The following GTF2A1L variants were observed in gnomAD, a reference collection of about 807,000 sequenced individuals.
GTF2A1L encodes TFIIA-alpha and beta-like factor.
In GTF2A1L, 48 loss-of-function variants were observed where a neutral mutation model predicts 49.7. The observed-to-expected ratio is 0.97, with a 90% CI of 0.77 to 1.23. GTF2A1L has a LOEUF of 1.23. GTF2A1L is among the 50% of genes most tolerant of loss of function. The probability of loss-of-function intolerance (pLI) is 0.00; values close to 1 mark genes in which losing one functional copy is unlikely to be tolerated. For synonymous variants in GTF2A1L, 246 were observed against 193.5 expected (o/e 1.27, Z -2.25); for missense variants, 736 against 564.8 (o/e 1.30, Z -3.07).
intron 8 of GTF2A1L, among the ~76,000 whole-genome samples, chr2:48,673,466 G>A (rs1679284815): frequency 6.6e-6 from 1 of 150,556 alleles, no homozygotes; most frequent in South Asian, 2.1e-4. Flanking sequence ...GGGTTCAAAG[G>A]ATCTTCCTGC....
chr2:48,631,258 C>CT (rs971894941), intron 3 of GTF2A1L, among the ~76,000 whole-genome samples: 1 of 151,926 alleles, frequency 6.6e-6, no homozygotes, highest in African/African-American at 2.4e-5. Flanking sequence ...TGGTCTGGGG[C>CT]TTTTTTTGGG....
At chr2:48,617,958 G>A (rs1675755450) in intron 1 of GTF2A1L, 63 bp downstream of exon 1, 1 of 1,492,814 alleles carries the variant, frequency 6.7e-7, no homozygotes, top group Middle Eastern at 1.7e-4. Context: ...CACGGCAGCC[G>A]AACCCTGCAC....
At chr2:48,619,145 A>C (rs1355343813) in intron 1 of GTF2A1L, among the ~76,000 whole-genome samples, 2 of 152,186 alleles carry the variant, frequency 1.3e-5, no homozygotes, top group African/African-American at 4.8e-5. Flanking sequence ...CTGGGTCTTT[A>C]GAAGGATTAA....
rs772508036 is a variant in GTF2A1L at position 48,646,825 on chromosome 2, C to G, written c.761C>G (p.Ser254Cys). Residue 254 changes from serine to cysteine, a missense_variant, in exon 6 of 9, where the codon TCT becomes TGT. Ser to Cys is a moderately radical substitution (Grantham distance 112, BLOSUM62 -1). Coordinates refer to ENST00000403751, the MANE Select transcript of GTF2A1L (RefSeq NM_006872.5). ...GGTGTTGTATTTTCTCCACAGGTCTCTCAAACAAATTCTAATGTGGAGTCA... is the reference window on the plus strand; with the variant it reads ...GGTGTTGTATTTTCTCCACAGGTCTGTCAAACAAATTCTAATGTGGAGTCA... ...LPGVVFSPQV[S>C]QTNSNVESVL... is the part of the protein sequence containing the mutation. 1.2e-6 allele frequency: 2 copies of G among 1,614,174 alleles called. No individual in the cohort carries two copies. The highest frequency in any genetic ancestry group is 1.7e-5 in the Admixed American group (1 of 60,024).
rs1677557552 is a variant in GTF2A1L at position 48,647,017 on chromosome 2, C to G, written c.953C>G (p.Pro318Arg). Reference sequence around the variant, plus strand: ...AAGCAACCAAGAAATATAGAGGAACCCAGCAACATACCTGTATCAGAGAAG... The same window carrying G: ...AAGCAACCAAGAAATATAGAGGAACGCAGCAACATACCTGTATCAGAGAAG... ...SVKQPRNIEE[P>R]SNIPVSEKDS... The change falls in exon 6 of 9, where the codon CCC (proline) becomes CGC (arginine). Residue 318 changes from proline to arginine, a missense_variant. Transcript: ENST00000403751. 3.1e-6 allele frequency: 5 copies of G among 1,611,710 alleles called. No homozygotes were observed. The African/African-American group carries it at 5.3e-5, about 17-fold the overall frequency.
chr2:48,673,340 A>G (rs1679275445), intron 8 of GTF2A1L, among the ~76,000 whole-genome samples: 1 of 142,098 alleles, frequency 7.0e-6, no homozygotes, highest in Non-Finnish European at 1.5e-5. Context: ...TTTAACGTAC[A>G]TTTTACTGAC....
chr2:48,646,813 C>G lies in GTF2A1L; in HGVS notation c.749C>G (p.Ser250Cys). Reference protein sequence around the residue: ...HYISLPGVVFSPQVSQTNSNV... With the variant: ...HYISLPGVVFCPQVSQTNSNV... ...ATCAGTCTTCCAGGTGTTGTATTTTCTCCACAGGTCTCTCAAACAAATTCT... is the reference window on the plus strand; with the variant it reads ...ATCAGTCTTCCAGGTGTTGTATTTTGTCCACAGGTCTCTCAAACAAATTCT... The change falls in exon 6 of 9, where the codon TCT becomes TGT. Residue 250 changes from serine (S) to cysteine (C), a missense_variant. Transcript: ENST00000403751. 6.2e-7 allele frequency: 1 copy of G among 1,614,184 alleles called. No individual in the cohort carries two copies. Among genetic ancestry groups the G allele is most frequent in the Non-Finnish European group, 8.5e-7 (1 of 1,180,020 alleles).
intron 6 of GTF2A1L, among the ~76,000 whole-genome samples, chr2:48,664,480 G>T (rs934408636): frequency 6.6e-6 from 1 of 151,890 alleles, no homozygotes; most frequent in East Asian, 1.9e-4. Flanking sequence ...CTAAGATTTC[G>T]TTGTGGATTT....
chr2:48,663,009 G>A (rs569133934), intron 6 of GTF2A1L, among the ~76,000 whole-genome samples: 8 of 152,004 alleles, frequency 5.3e-5, no homozygotes, highest in South Asian at 2.1e-4. Flanking sequence ...CTAAACCCCC[G>A]TGACACATAG....
chr2:48,636,487 G>T (rs573272250), intron 3 of GTF2A1L, among the ~76,000 whole-genome samples: 1 of 152,168 alleles, frequency 6.6e-6, no homozygotes, highest in Admixed American at 6.5e-5. Flanking sequence ...CACTTGCAAG[G>T]TTTGGTGCTA....
At chr2:48,647,353 T>C (rs1013146488) in intron 6 of GTF2A1L, among the ~76,000 whole-genome samples, 4 of 152,146 alleles carry the variant, frequency 2.6e-5, no homozygotes, top group Non-Finnish European at 4.4e-5. Context: ...GTCCTTGAAA[T>C]ATTCATGCTT....
At chr2:48,649,886 G>A (rs191351105) in intron 6 of GTF2A1L, among the ~76,000 whole-genome samples, 97 of 152,224 alleles carry the variant, frequency 6.4e-4, no homozygotes, top group Non-Finnish European at 8.2e-4. Flanking sequence ...ACACCAAACC[G>A]TGAGTGATTC....
intron 3 of GTF2A1L, among the ~76,000 whole-genome samples, chr2:48,635,109 G>A (rs964416693): frequency 6.6e-6 from 1 of 152,204 alleles, no homozygotes; most frequent in Non-Finnish European, 1.5e-5. Flanking sequence ...CCTGGGCATG[G>A]AGTGGAGAGG....
At chr2:48,633,177 C>T (rs1676679545) in intron 3 of GTF2A1L, 2 of 221,508 alleles carry the variant, frequency 9.0e-6, no homozygotes, top group Non-Finnish European at 2.0e-5. Flanking sequence ...GCTTTCGGTA[C>T]CCTCACCCTC....
chr2:48,621,267 A>G lies in GTF2A1L; in HGVS notation c.224A>G (p.His75Arg), dbSNP rs761293062. Residue 75 changes from histidine (H) to arginine (R), a missense_variant, in exon 3 of 9, where the codon CAC (histidine) becomes CGC (arginine). By Grantham distance (29) the His-to-Arg change is conservative (BLOSUM62 0). Coordinates refer to ENST00000403751, the MANE Select transcript of GTF2A1L (RefSeq NM_006872.5). ...ACTCTTCAGTTGCCGCACAGCTTGC[A>G]CCAAACATTGCAATCGTCAACAGGT... ...LFTLQLPHSL[H>R]QTLQSSTASL... The G allele has an allele frequency of 6.8e-6, 11 of 1,614,024 alleles. No individual in the cohort carries two copies. In the South Asian group the frequency reaches 9.9e-5, roughly 14 times the overall value.
At position 48,669,930 on chromosome 2, in the gene GTF2A1L, C is replaced by G. The variant is rs772154893; in HGVS notation, c.1187C>G (p.Ser396Ter). Residue 396 changes from serine to a stop codon, truncating the protein, a stop_gained, in exon 7 of 9, where the codon TCA becomes TGA. Coordinates refer to ENST00000403751, the MANE Select transcript of GTF2A1L (RefSeq NM_006872.5). LOFTEE classifies it high-confidence loss of function. The part of the protein sequence containing the change: ...EEADSISNED[S>*]ATNSSDNEDP... ...GCTGACAGTATTTCAAATGAGGATTCAGCCACAAACAGTAGTGATAATGAA... is the reference window on the plus strand; with the variant it reads ...GCTGACAGTATTTCAAATGAGGATTGAGCCACAAACAGTAGTGATAATGAA... 1.4e-5 allele frequency: 22 copies of G among 1,613,904 alleles called. No individual in the cohort carries two copies. Among genetic ancestry groups the G allele is most frequent in the Non-Finnish European group, 1.9e-5 (22 of 1,180,004 alleles).
At chr2:48,675,097 T>C (rs1176947172) in intron 8 of GTF2A1L, among the ~76,000 whole-genome samples, 1 of 152,138 alleles carries the variant, frequency 6.6e-6, no homozygotes, top group East Asian at 1.9e-4. Flanking sequence ...TTTCAAATAG[T>C]ATTGAATGTA....
At position 48,624,459 on chromosome 2, in the gene GTF2A1L, T is replaced by TATAGATAGATAGATAG. The variant is rs3077611; in HGVS notation, c.247+3182_247+3197dup. Among the ~76,000 whole-genome samples, 749 of 138,770 alleles carry TATAGATAGATAGATAG rather than the reference T, an allele frequency of 5.4e-3. 43 individuals are homozygous for TATAGATAGATAGATAG. The highest frequency in any genetic ancestry group is 0.018 in the African/African-American group (722 of 39,702). 91.0% of individuals were successfully genotyped at this position (138,770 alleles called of 152,430 possible). ...TAAGGTGTTCACCATAGTGCTTTGATATAGATAGATAGATAGATAGATAGA... is the reference window on the plus strand; with the variant it reads ...TAAGGTGTTCACCATAGTGCTTTGATATAGATAGATAGATAGATAGATAGATAGATAGATAGATAGA... On this transcript the variant is annotated intron_variant, in intron 3 of 8. Coordinates refer to ENST00000403751, the MANE Select transcript of GTF2A1L (RefSeq NM_006872.5).
At chr2:48,673,359 C>CTTTT (rs34493140) in intron 8 of GTF2A1L, among the ~76,000 whole-genome samples, 32 of 109,656 alleles carry the variant, frequency 2.9e-4, no homozygotes, top group East Asian at 8.2e-4. Context: ...ACACAGGAAA[C>CTTTT]TTTTTTTTTT....
Sources: gnomAD v4.1 joint callset for allele counts (sites outside exome capture counted in the v4.1 genomes callset) on GRCh38, gnomAD v4.1.1 for gene constraint, MANE v1.5 for transcripts, NCBI Gene and HGNC (gene_info 2026-07-23, HGNC 2026-07-21) for gene names.